FAF1: variants seen among roughly 807,000 people sequenced by gnomAD.
The protein encoded by FAF1 is FAS-associated factor 1.
In FAF1, 25 loss-of-function variants were observed where a neutral mutation model predicts 92.5. That is an observed-to-expected ratio of 0.27 (90% CI 0.20 to 0.38). FAF1 has a LOEUF of 0.38. Among genes scored for constraint, FAF1 ranks in the 10% least tolerant of loss-of-function variants. The pLI, the probability that FAF1 is intolerant of heterozygous loss-of-function variation, is 1.00. For missense variants in FAF1, 636 were observed against 793.3 expected, an observed-to-expected ratio of 0.80 and a Z score of 2.38; for synonymous variants, 234 against 273.2, an observed-to-expected ratio of 0.86 and a Z score of 1.42.
chr1:50,868,596 T>C (rs1488924677), intron 1 of FAF1, among the ~76,000 whole-genome samples: 1 of 152,204 alleles, frequency 6.6e-6, no homozygotes, highest in Non-Finnish European at 1.5e-5. Flanking sequence ...AATTTTTATA[T>C]GTATGTTCAT....
At chr1:50,888,085 G>C (rs982535622) in intron 1 of FAF1, among the ~76,000 whole-genome samples, 4 of 152,138 alleles carry the variant, frequency 2.6e-5, no homozygotes, top group African/African-American at 7.2e-5. Context: ...CCTTGAAGAG[G>C]TCCTTCACGT....
Position 50,729,721 on chromosome 1 carries a change from G to A in FAF1, c.551+9142C>T, listed in dbSNP as rs185224883. 5.6e-4 allele frequency among the ~76,000 whole-genome samples: 83 copies of A among 148,562 alleles called. 1 individual carries two copies. In the East Asian group the frequency reaches 0.014, roughly 25 times the overall value. On this transcript the variant is annotated intron_variant, in intron 6 of 18. Transcript: ENST00000396153. ...TGCACCAAAGCTATCTCACAGAACT[G>A]TTTATGTAAGATTGGGATAGGCCAG...
At chr1:50,446,622 T>C (rs888214240) in intron 18 of FAF1, among the ~76,000 whole-genome samples, 3 of 152,218 alleles carry the variant, frequency 2.0e-5, no homozygotes, top group African/African-American at 7.2e-5. Context: ...AATACTTGCA[T>C]AGCCCTTCAT....
At chr1:50,728,747 C>T (rs184766026) in intron 6 of FAF1, among the ~76,000 whole-genome samples, 28 of 150,298 alleles carry the variant, frequency 1.9e-4, no homozygotes, top group Admixed American at 2.0e-4. Context: ...GCCGAGATTG[C>T]GCCACTGCAC....
At chr1:50,474,223 C>T (rs2148998398) in intron 18 of FAF1, among the ~76,000 whole-genome samples, 1 of 152,306 alleles carries the variant, frequency 6.6e-6, no homozygotes, top group East Asian at 1.9e-4. Context: ...ACAAGGCACG[C>T]CTTCAAGTAG....
At position 50,910,548 on chromosome 1, in the gene FAF1, C is replaced by T. The variant is rs548355918; in HGVS notation, c.45+49219G>A. ...GTGGGCTCCACCCAGTTCGAGCTTC[C>T]GGGCCACTTTGTTTACCTACTCAAG... On this transcript the variant is annotated intron_variant, in intron 1 of 18. Coordinates refer to ENST00000396153, the MANE Select transcript of FAF1 (RefSeq NM_007051.3). Among the ~76,000 whole-genome samples the T allele has an allele frequency of 3.0e-4, 46 of 152,240 alleles. 1 individual carries two copies. Among genetic ancestry groups the T allele is most frequent in the South Asian group, 1.2e-3 (6 of 4,828 alleles).
At chr1:50,806,461 C>T (rs1361795705) in intron 2 of FAF1, among the ~76,000 whole-genome samples, 1 of 152,178 alleles carries the variant, frequency 6.6e-6, no homozygotes, top group Non-Finnish European at 1.5e-5. Flanking sequence ...GTGACGGAGG[C>T]AGCCGACACC....
intron 2 of FAF1, among the ~76,000 whole-genome samples, chr1:50,856,754 AT>A (rs981098529): frequency 2.6e-5 from 4 of 151,774 alleles, no homozygotes; most frequent in African/African-American, 9.7e-5. Flanking sequence ...ATATGCAGGA[AT>A]GTTCTCTACA....
chr1:50,930,500 T>C (rs1479031718), intron 1 of FAF1, among the ~76,000 whole-genome samples: 2 of 152,170 alleles, frequency 1.3e-5, no homozygotes, highest in Non-Finnish European at 2.9e-5. Context: ...ACTCATACAA[T>C]GGTAATAACA....
intron 7 of FAF1, among the ~76,000 whole-genome samples, chr1:50,674,197 C>T (rs1178181965): frequency 6.6e-6 from 1 of 152,150 alleles, no homozygotes; most frequent in African/African-American, 2.4e-5. Flanking sequence ...CTGATCCACC[C>T]ACTTGGGCCT....
intron 2 of FAF1, among the ~76,000 whole-genome samples, chr1:50,849,266 C>CAA (rs369712410): frequency 1.0e-4 from 9 of 88,718 alleles, no homozygotes; most frequent in East Asian, 5.9e-4. Flanking sequence ...GACTCCGTCT[C>CAA]AAAAAAAAAA....
Position 50,583,762 on chromosome 1 carries a change from A to G in FAF1, c.968-47T>C. 3.1e-6 allele frequency: 4 copies of G among 1,298,344 alleles called. No individual in the cohort carries two copies. In the East Asian group the frequency reaches 7.0e-5, roughly 23 times the overall value. 80.4% of individuals were successfully genotyped at this position (1,298,344 alleles called of 1,614,324 possible). On this transcript the variant is annotated intron_variant, in intron 10 of 18. Transcript: ENST00000396153. The surrounding 1 kb of genome is among the most constrained non-coding windows in gnomAD (Gnocchi z 4.2). The stretch of plus-strand genomic sequence containing the variant: ...AAACAAAAACAAAAAAACAAAACAA[A>G]TAGACACAAAAACAAACCACATAAC...
chr1:50,485,134 T>G (rs72898937), intron 17 of FAF1, among the ~76,000 whole-genome samples: 61 of 151,568 alleles, frequency 4.0e-4, no homozygotes, highest in Non-Finnish European at 8.2e-4. Flanking sequence ...TATTATTATT[T>G]TTTTTAAATA....
chr1:50,549,549 G>A (rs1248930358), intron 13 of FAF1, among the ~76,000 whole-genome samples: 2 of 152,086 alleles, frequency 1.3e-5, no homozygotes, highest in South Asian at 2.1e-4. Flanking sequence ...GGAGGCTGAG[G>A]TGGGCGGACC....
At chr1:50,573,235 A>T (rs574720187) in intron 12 of FAF1, among the ~76,000 whole-genome samples, 1 of 151,684 alleles carries the variant, frequency 6.6e-6, no homozygotes, top group African/African-American at 2.4e-5. Context: ...AGTAGCTGAG[A>T]TTGCAGGCAG....
chr1:50,668,432 C>G (rs1347291701), intron 7 of FAF1, among the ~76,000 whole-genome samples: 2 of 152,200 alleles, frequency 1.3e-5, no homozygotes, highest in African/African-American at 4.8e-5. Context: ...GATCAGCTTT[C>G]AGCATTACTC....
intron 7 of FAF1, among the ~76,000 whole-genome samples, chr1:50,656,112 A>G (rs1476921647): frequency 6.6e-6 from 1 of 152,144 alleles, no homozygotes; most frequent in Admixed American, 6.6e-5. Context: ...CAGGTGGATC[A>G]CCTGAGGTCA....
At chr1:50,864,460 CA>C (rs1553147547) in intron 1 of FAF1, among the ~76,000 whole-genome samples, 1 of 151,970 alleles carries the variant, frequency 6.6e-6, no homozygotes, top group Non-Finnish European at 1.5e-5. Context: ...CTACAGTAAC[CA>C]AAACAGCATG....
intron 7 of FAF1, among the ~76,000 whole-genome samples, chr1:50,681,744 C>G (rs1402969728): frequency 6.6e-6 from 1 of 151,514 alleles, no homozygotes; most frequent in African/African-American, 2.4e-5. Context: ...GTCTCCAACT[C>G]CTGACCTCAG....
Sources: allele counts gnomAD v4.1 joint callset (sites outside exome capture counted in the v4.1 genomes callset), GRCh38; gene constraint gnomAD v4.1.1; non-coding constraint Gnocchi (gnomAD v3.1); transcripts MANE v1.5; gene names NCBI Gene and HGNC (gene_info 2026-07-23, HGNC 2026-07-21).